FARP1: variants seen among roughly 807,000 people sequenced by gnomAD.
FARP1 encodes the protein FERM, ARH/RhoGEF and pleckstrin domain protein 1, also known as FERM, ARHGEF and pleckstrin domain-containing protein 1.
A neutral mutation model predicts 128.8 loss-of-function variants in FARP1; 52 were observed. The ratio of observed to expected loss-of-function variants is 0.40; its 90% CI spans 0.32 to 0.51. The LOEUF (loss-of-function observed/expected upper bound fraction) is 0.51. Ranked by LOEUF, FARP1 falls within the 20% of genes least tolerant of loss-of-function variation. The pLI is 0.45. For missense variants in FARP1, 1,333 were observed against 1,367.9 expected, an observed-to-expected ratio of 0.97 and a Z score of 0.40; for synonymous variants, 580 against 551.8, an observed-to-expected ratio of 1.05 and a Z score of -0.72.
rs757521128 is a variant in FARP1, at chr13:98,446,077, ACAGGCCTCC to A, written c.2797-20_2797-12del. ...GGGGCAGGTGCCCGCTGTGCTTCTC[ACAGGCCTCC>A]TTGCCTTTCAGAATCAGTTGTCTGG... On this transcript the variant is annotated splice_polypyrimidine_tract_variant and intron_variant, in intron 24 of 26. Transcript: ENST00000319562. The A allele has an allele frequency of 6.4e-7, 1 of 1,564,348 alleles. No homozygotes were observed. The highest frequency in any genetic ancestry group is 1.1e-5 in the South Asian group (1 of 89,970).
At chr13:98,344,245 C>T (rs1888087773) in intron 3 of FARP1, among the ~76,000 whole-genome samples, 2 of 152,080 alleles carry the variant, frequency 1.3e-5, no homozygotes, top group Admixed American at 1.3e-4. Context: ...CAGGATCTAG[C>T]GATGAGTCTG....
At chr13:98,376,115 G>C (rs1462223200) in intron 5 of FARP1, among the ~76,000 whole-genome samples, 2 of 152,126 alleles carry the variant, frequency 1.3e-5, no homozygotes, top group Non-Finnish European at 2.9e-5. Flanking sequence ...ATGACCTTAA[G>C]TATTTATCCT....
rs549117031 is a variant in FARP1 at position 98,251,326 on chromosome 13, C to A, written c.171+37913C>A. 1.4e-3 allele frequency among the ~76,000 whole-genome samples: 215 copies of A among 152,272 alleles called. 3 individuals carry two copies. Among genetic ancestry groups the A allele is most frequent in the African/African-American group, 5.1e-3 (210 of 41,554 alleles). On this transcript the variant is annotated intron_variant, in intron 2 of 26. Coordinates refer to ENST00000319562, the MANE Select transcript of FARP1 (RefSeq NM_005766.4). ...GCCTCCTTGTCTAGGATTCTAGGCC[C>A]TGTGCACTCTCAGGATGGTTTTATG... is the stretch of plus-strand genomic sequence containing the variant.
intron 1 of FARP1, among the ~76,000 whole-genome samples, chr13:98,187,838 A>G (rs1292430446): frequency 6.6e-6 from 1 of 152,132 alleles, no homozygotes; most frequent in Non-Finnish European, 1.5e-5. Flanking sequence ...TGTTGATGTA[A>G]TTTCTGTGAC....
At position 98,448,852 on chromosome 13, in the gene FARP1, G is replaced by C. The variant is rs1254492925; in HGVS notation, c.*535G>C. 1 of 152,066 alleles carries C rather than the reference G, an allele frequency of 6.6e-6. No individual in the cohort carries two copies. The highest frequency in any genetic ancestry group is 2.4e-5 in the African/African-American group (1 of 41,294). 9.4% of individuals were successfully genotyped at this position (152,066 alleles called of 1,614,324 possible). A position where few individuals can be genotyped will look rare whatever the true frequency, so the allele number is the denominator to read the frequency against. Reference sequence around the variant, plus strand: ...TTTTGTAATAATAGGAAGTTAGTAGGACTCACTTCTCTGATTAATAAGCAA... The same window carrying C: ...TTTTGTAATAATAGGAAGTTAGTAGCACTCACTTCTCTGATTAATAAGCAA... On this transcript the variant is annotated 3_prime_UTR_variant, in exon 27 of 27. Coordinates refer to ENST00000319562, the MANE Select transcript of FARP1 (RefSeq NM_005766.4).
chr13:98,398,718 C>T (rs888114236), intron 13 of FARP1: 6 of 152,120 alleles, frequency 3.9e-5, no homozygotes, highest in Non-Finnish European at 7.4e-5. Context: ...GGAAAAATGT[C>T]AATTTGCTAT....
At chr13:98,165,137 C>T (rs1474567963) in intron 1 of FARP1, among the ~76,000 whole-genome samples, 2 of 141,732 alleles carry the variant, frequency 1.4e-5, no homozygotes, top group Non-Finnish European at 3.0e-5. Context: ...ATCACTTGAA[C>T]CTGGGAGGTG....
chr13:98,335,103 C>T (rs139876348), intron 2 of FARP1, among the ~76,000 whole-genome samples: 1 of 152,180 alleles, frequency 6.6e-6, no homozygotes, highest in African/African-American at 2.4e-5. Flanking sequence ...GGGAGAATAG[C>T]CATTTGCTCT....
intron 2 of FARP1, among the ~76,000 whole-genome samples, chr13:98,263,343 G>T (rs915640049): frequency 6.6e-6 from 1 of 152,134 alleles, no homozygotes; most frequent in Non-Finnish European, 1.5e-5. Context: ...TGTTTAGAAA[G>T]AATCCCTATG....
At chr13:98,313,471 C>A (rs1005991569) in intron 2 of FARP1, among the ~76,000 whole-genome samples, 1 of 152,230 alleles carries the variant, frequency 6.6e-6, no homozygotes, top group African/African-American at 2.4e-5. Flanking sequence ...GGAGCAGATT[C>A]TCCCAGAACC....
chr13:98,419,603 C>G (rs966286281), intron 16 of FARP1, among the ~76,000 whole-genome samples: 10 of 152,244 alleles, frequency 6.6e-5, no homozygotes, highest in African/African-American at 2.4e-4. Flanking sequence ...TCTGTTCCCA[C>G]TTACTCATTT....
At chr13:98,259,919 GTA>G (rs1555331898) in intron 2 of FARP1, among the ~76,000 whole-genome samples, 1 of 151,030 alleles carries the variant, frequency 6.6e-6, no homozygotes, top group African/African-American at 2.5e-5. Flanking sequence ...GTGTGTGTGT[GTA>G]TTGAGAAGAC....
intron 1 of FARP1, among the ~76,000 whole-genome samples, chr13:98,184,589 A>G (rs1279691397): frequency 2.0e-5 from 3 of 152,318 alleles, no homozygotes; most frequent in Non-Finnish European, 2.9e-5. Flanking sequence ...ACGACTCTAC[A>G]TTAAAAAATA....
intron 19 of FARP1, 118 bp from the exon 20 acceptor site, chr13:98,438,686 G>C: frequency 1.3e-6 from 1 of 764,062 alleles, no homozygotes; most frequent in African/African-American, 1.7e-5. Context: ...CTTGGGGTCT[G>C]CACGCTCGCA....
chr13:98,388,571 G>A (rs1256364183), intron 9 of FARP1, 93 bp downstream of exon 9: 1 of 948,470 alleles, frequency 1.1e-6, no homozygotes, highest in African/African-American at 1.6e-5. Flanking sequence ...GGCTTCTGCT[G>A]AACCTCTGGC....
At chr13:98,395,002 G>C (rs1319822357) in intron 12 of FARP1, among the ~76,000 whole-genome samples, 1 of 152,160 alleles carries the variant, frequency 6.6e-6, no homozygotes, top group African/African-American at 2.4e-5. Flanking sequence ...GGCCGGGCTT[G>C]TGCTGCCGGG....
In FARP1 at chr13:98,450,739, T is replaced by C. The variant is rs555171930; in HGVS notation, c.*2422T>C. 3 of 152,276 alleles carry C rather than the reference T, an allele frequency of 2.0e-5. No individual in the cohort carries two copies. Among genetic ancestry groups the C allele is most frequent in the Admixed American group, 6.5e-5 (1 of 15,286 alleles). 9.4% of individuals were successfully genotyped at this position (152,276 alleles called of 1,614,324 possible). On this transcript the variant is annotated 3_prime_UTR_variant, in exon 27 of 27. Coordinates refer to ENST00000319562, the MANE Select transcript of FARP1 (RefSeq NM_005766.4). ...GGGCCTGGCTACAGACCAGCAGCAG[T>C]TGACGCTGAGGCAGGTTCCAGTGGT... is the stretch of plus-strand genomic sequence containing the variant.
intron 2 of FARP1, among the ~76,000 whole-genome samples, chr13:98,230,451 A>C (rs751896874): frequency 6.6e-6 from 1 of 152,180 alleles, no homozygotes; most frequent in African/African-American, 2.4e-5. Context: ...ATGTCTTTGC[A>C]GTTGTTTTCT....
chr13:98,363,184 G>T (rs590649), intron 3 of FARP1, among the ~76,000 whole-genome samples: 13,660 of 152,180 alleles, frequency 0.09, 1,643 homozygotes, highest in African/African-American at 0.28. Context: ...GGCGGGGCCA[G>T]GCCTCTTCCT....
Sources: gnomAD v4.1 joint callset for allele counts (sites outside exome capture counted in the v4.1 genomes callset) on GRCh38, gnomAD v4.1.1 for gene constraint, MANE v1.5 for transcripts, NCBI Gene and HGNC (gene_info 2026-07-23, HGNC 2026-07-21) for gene names.